Variants in RAB33A observed in about 807,000 individuals in gnomAD.
The protein encoded by RAB33A is RAB33A, member RAS oncogene family, also known as ras-related protein Rab-33A.
RAB33A carries 6 observed loss-of-function variants against 12.0 expected under a neutral mutation model. The ratio of observed to expected loss-of-function variants is 0.50; its 90% confidence interval spans 0.27 to 0.99. The LOEUF (loss-of-function observed/expected upper bound fraction) is 0.99, where lower values mean the gene tolerates loss of function less well. RAB33A is among the 50% of genes least tolerant of loss of function. RAB33A has a pLI of 0.11. For missense variants in RAB33A, 109 were observed against 192.0 expected, an observed-to-expected ratio of 0.57 and a Z score of 2.55; for synonymous variants, 70 against 82.4, an observed-to-expected ratio of 0.85 and a Z score of 0.81.
At chrX:130,124,609 T>C in the RAB33A span, among the ~76,000 whole-genome samples, 1 of 112,236 alleles carries the variant, frequency 8.9e-6, no homozygotes, top group Non-Finnish European at 1.9e-5. Context: ...CTCCAGAGGA[T>C]ATTTTGGCTA....
At chrX:130,129,416 T>C in the RAB33A span, 4 of 531,255 alleles carry the variant, frequency 7.5e-6, no homozygotes, top group Non-Finnish European at 1.3e-5. Context: ...AGAATTTACC[T>C]ACATAGTTGA....
the RAB33A span, among the ~76,000 whole-genome samples, chrX:130,135,454 A>AC: frequency 8.4e-5 from 9 of 107,517 alleles, no homozygotes; most frequent in Admixed American, 3.0e-4. Context: ...AAAAAAAAAA[A>AC]AACAAGGTTT....
chrX:130,137,889 C>T, the RAB33A span: 11 of 301,061 alleles, frequency 3.7e-5, no homozygotes, highest in East Asian at 7.8e-4. Flanking sequence ...ATGGAGAAAC[C>T]CTGTCTCTAC....
chrX:130,149,706 T>C, the RAB33A span: 1 of 502,929 alleles, frequency 2.0e-6, no homozygotes, highest in Non-Finnish European at 3.4e-6. Context: ...TAAGACAAAG[T>C]TGTTTTCTTA....
chrX:130,165,592 G>A, the RAB33A span: 1 of 1,202,508 alleles, frequency 8.3e-7, no homozygotes, highest in Non-Finnish European at 1.1e-6. Flanking sequence ...GACGCACACG[G>A]TCCGCACCAA....
At chrX:130,155,450 T>A in the RAB33A span, among the ~76,000 whole-genome samples, 1 of 112,592 alleles carries the variant, frequency 8.9e-6, no homozygotes, top group Non-Finnish European at 1.9e-5. Flanking sequence ...GTGTATTTCA[T>A]CAAACCACAT....
chrX:130,132,218 G>A, the RAB33A span, among the ~76,000 whole-genome samples: 4 of 112,141 alleles, frequency 3.6e-5, no homozygotes, highest in African/African-American at 6.5e-5. Context: ...TGCAGATCAC[G>A]AGAGATGCCA....
chrX:130,182,139 C>CAAAAAAAAAA (rs1188540923), intron 1 of RAB33A, among the ~76,000 whole-genome samples: 2 of 30,505 alleles, frequency 6.6e-5, no homozygotes, highest in African/African-American at 2.9e-4. Flanking sequence ...TCTGTCTCTA[C>CAAAAAAAAAA]AAAAAAAAAA....
chrX:130,121,247 CTTTTCTTTT>C, the RAB33A span, among the ~76,000 whole-genome samples: 3 of 106,168 alleles, frequency 2.8e-5, no homozygotes, highest in African/African-American at 1.0e-4. Context: ...TTTTTCTTTT[CTTTTCTTTT>C]TTTTTTTTTT....
At chrX:130,140,734 T>G in the RAB33A span, 2 of 575,585 alleles carry the variant, frequency 3.5e-6, no homozygotes, top group Non-Finnish European at 5.8e-6. Context: ...TCTGTGGATT[T>G]CAGTATATTC....
At chrX:130,149,562 T>C in the RAB33A span, 1 of 1,195,851 alleles carries the variant, frequency 8.4e-7, no homozygotes, top group Non-Finnish European at 1.1e-6. Context: ...TTCATAGTCT[T>C]GTAGGCCTGC....
the RAB33A span, chrX:130,129,708 G>T: frequency 6.3e-6 from 6 of 948,328 alleles, no homozygotes; most frequent in Admixed American, 1.3e-4. Context: ...GGCTACCTGG[G>T]GCAGTCCCCA....
the RAB33A span, chrX:130,165,824 G>A: frequency 1.9e-6 from 1 of 515,457 alleles, no homozygotes; most frequent in Admixed American, 2.7e-5. Context: ...CGGCCTGCTA[G>A]AGCCGGGGAA....
At chrX:130,162,879 A>G in the RAB33A span, among the ~76,000 whole-genome samples, 3 of 112,184 alleles carry the variant, frequency 2.7e-5, no homozygotes, top group African/African-American at 9.7e-5. Context: ...ATGCAGACAT[A>G]GAGTGATGAC....
chrX:130,140,750 G>A, the RAB33A span: 1 of 532,609 alleles, frequency 1.9e-6, no homozygotes, highest in Non-Finnish European at 3.2e-6. Flanking sequence ...TATTCACAAG[G>A]TTGTGCCACC....
At chrX:130,144,132 T>C in the RAB33A span, among the ~76,000 whole-genome samples, 2 of 112,110 alleles carry the variant, frequency 1.8e-5, no homozygotes, top group African/African-American at 6.5e-5. Context: ...GCTTACAAGA[T>C]TAGAATAGGT....
the RAB33A span, among the ~76,000 whole-genome samples, chrX:130,115,625 A>C: frequency 9.3e-6 from 1 of 107,093 alleles, no homozygotes; most frequent in South Asian, 4.2e-4. Flanking sequence ...AAAGAAAGAG[A>C]GAGCAGAGAG....
At chrX:130,164,361 T>G in the RAB33A span, among the ~76,000 whole-genome samples, 1 of 112,283 alleles carries the variant, frequency 8.9e-6, no homozygotes, top group Non-Finnish European at 1.9e-5. Context: ...TCAGGAAACA[T>G]TTTCATTGTG....
the RAB33A span, chrX:130,165,726 T>C: frequency 5.5e-6 from 5 of 912,935 alleles, no homozygotes; most frequent in Non-Finnish European, 7.8e-6. Context: ...TCAAACACCG[T>C]GAGCCCCGGC....
Sources: allele counts gnomAD v4.1 joint callset (sites outside exome capture counted in the v4.1 genomes callset), GRCh38; gene constraint gnomAD v4.1.1; transcripts MANE v1.5; gene names NCBI Gene and HGNC (gene_info 2026-07-23, HGNC 2026-07-21).